The following TNFRSF1B variants were observed in gnomAD, a reference collection of about 807,000 sequenced individuals.
TNFRSF1B encodes the protein TNF receptor superfamily member 1B.
TNFRSF1B carries 19 observed loss-of-function variants against 44.6 expected under a neutral mutation model. The ratio of observed to expected loss-of-function variants is 0.43; its 90% confidence interval spans 0.30 to 0.62. The LOEUF is 0.62. Ranked by LOEUF, TNFRSF1B falls within the 20% of genes least tolerant of loss-of-function variation. TNFRSF1B has a pLI of 0.16. For synonymous variants in TNFRSF1B, 252 were observed against 261.1 expected, an observed-to-expected ratio of 0.97 and a Z score of 0.34; for missense variants, 541 against 619.9, an observed-to-expected ratio of 0.87 and a Z score of 1.35.
intron 1 of TNFRSF1B, among the ~76,000 whole-genome samples, chr1:12,172,238 C>T (rs547715842): frequency 2.3e-4 from 35 of 152,304 alleles, no homozygotes; most frequent in Middle Eastern, 6.8e-3. Context: ...CCTCGTCTGG[C>T]CACAGGGAAG....
intron 7 of TNFRSF1B, 75 bp from the exon 8 acceptor site, chr1:12,194,509 C>T: frequency 6.3e-7 from 1 of 1,584,134 alleles, no homozygotes; most frequent in Non-Finnish European, 8.7e-7. Context: ...CTATGGGGCC[C>T]CATACTGCCC....
Position 12,177,487 on chromosome 1 carries a change from G to A in TNFRSF1B, c.78+10318G>A, listed in dbSNP as rs2101083913. Among the ~76,000 whole-genome samples, 1 of 152,256 alleles carries A rather than the reference G, an allele frequency of 6.6e-6. No homozygotes were observed. The highest frequency in any genetic ancestry group is 1.5e-5 in the Non-Finnish European group (1 of 68,002). On this transcript the variant is annotated intron_variant, in intron 1 of 9. Transcript: ENST00000376259. This position sits in a 1 kb window ranked among gnomAD's most constrained non-coding sequence, Gnocchi z 4.3. Reference sequence around the variant, plus strand: ...AATTGGCTGCACCCCCACTAGTGTGGGGGAGCAGGATTCCAGGGCCTGCCT... The same window carrying A: ...AATTGGCTGCACCCCCACTAGTGTGAGGGAGCAGGATTCCAGGGCCTGCCT...
rs147786615 is a variant in TNFRSF1B, at chr1:12,169,122, G to A, written c.78+1953G>A. On this transcript the variant is annotated intron_variant, in intron 1 of 9. Coordinates refer to ENST00000376259, the MANE Select transcript of TNFRSF1B (RefSeq NM_001066.3). This position sits in a 1 kb window ranked among gnomAD's most constrained non-coding sequence, Gnocchi z 4.5. ...CCATTCTCTCCAGGAAAGCCTTTCC[G>A]CATTCTCAGTTGGATTTGATCTTCT... Among the ~76,000 whole-genome samples, 4 of 152,234 alleles carry A rather than the reference G, an allele frequency of 2.6e-5. No homozygotes were observed. The highest frequency in any genetic ancestry group is 7.2e-5 in the African/African-American group (3 of 41,534).
At chr1:12,202,296 C>T in intron 9 of TNFRSF1B, 125 bp downstream of exon 9, 3 of 1,407,858 alleles carry the variant, frequency 2.1e-6, no homozygotes, top group Non-Finnish European at 2.8e-6. Flanking sequence ...CCACAGGGAA[C>T]TTCCTTCGGT....
At chr1:12,203,965 GGTGATCCATC>G in intron 9 of TNFRSF1B, among the ~76,000 whole-genome samples, 1 of 152,332 alleles carries the variant, frequency 6.6e-6, no homozygotes, top group Admixed American at 6.5e-5. Context: ...CCTGACCTCA[GGTGATCCATC>G]TGCCTCGGCC....
chr1:12,180,598 C>T lies in TNFRSF1B; in HGVS notation c.79-8198C>T, dbSNP rs918944900. ...CCCTGCCCCTTACCAGCTAAGGGCT[C>T]CAGCAGAGTCCTAGTCTTGAGCGAA... On this transcript the variant is annotated intron_variant, in intron 1 of 9. Coordinates refer to ENST00000376259, the MANE Select transcript of TNFRSF1B (RefSeq NM_001066.3). This position sits in a 1 kb window ranked among gnomAD's most constrained non-coding sequence, Gnocchi z 4.3. Among the ~76,000 whole-genome samples, 11 of 152,300 alleles carry T rather than the reference C, an allele frequency of 7.2e-5. 1 individual carries two copies. Among genetic ancestry groups the T allele is most frequent in the South Asian group, 2.1e-4 (1 of 4,822 alleles).
intron 6 of TNFRSF1B, among the ~76,000 whole-genome samples, 159 bp from the exon 7 acceptor site, chr1:12,193,796 G>C (rs1639204983): frequency 6.6e-6 from 1 of 152,186 alleles, no homozygotes; most frequent in South Asian, 2.1e-4. Flanking sequence ...GAGGCACACA[G>C]ACATGATTGC....
At chr1:12,193,767 A>G (rs1039733456) in intron 6 of TNFRSF1B, among the ~76,000 whole-genome samples, 188 bp from the exon 7 acceptor site, 2 of 152,192 alleles carry the variant, frequency 1.3e-5, no homozygotes, top group African/African-American at 4.8e-5. Flanking sequence ...GTCTCAAACT[A>G]GTGGCCCTTA....
At chr1:12,198,189 T>A (rs1369250326) in intron 8 of TNFRSF1B, among the ~76,000 whole-genome samples, 3 of 148,346 alleles carry the variant, frequency 2.0e-5, no homozygotes, top group East Asian at 4.1e-4. Flanking sequence ...ACGGACACAC[T>A]CATGCACGGA....
intron 1 of TNFRSF1B, 123 bp downstream of exon 1, chr1:12,167,292 TC>T: frequency 1.4e-6 from 1 of 722,832 alleles, no homozygotes; most frequent in Non-Finnish European, 1.9e-6. Flanking sequence ...AGGCTGGGAG[TC>T]CCAGTCGCCG....
chr1:12,192,254 G>T, intron 4 of TNFRSF1B, 177 bp from the exon 5 acceptor site: 1 of 714,312 alleles, frequency 1.4e-6, no homozygotes, highest in South Asian at 1.5e-5. Context: ...GAATCTGTGT[G>T]TGTGCATGTG....
intron 1 of TNFRSF1B, among the ~76,000 whole-genome samples, chr1:12,173,439 C>T (rs1024464421): frequency 2.0e-5 from 3 of 152,198 alleles, no homozygotes; most frequent in South Asian, 2.1e-4. Context: ...CAAGAATTCA[C>T]GGCTGCCTTT....
intron 1 of TNFRSF1B, among the ~76,000 whole-genome samples, chr1:12,170,999 T>G (rs1008118251): frequency 2.0e-5 from 3 of 151,062 alleles, no homozygotes; most frequent in African/African-American, 4.9e-5. Flanking sequence ...TCTTCTTTTT[T>G]TCTATTTAAT....
intron 9 of TNFRSF1B, among the ~76,000 whole-genome samples, chr1:12,204,811 C>A (rs187089784): frequency 0.057 from 8,357 of 145,806 alleles, 254 homozygotes; most frequent in Middle Eastern, 0.058. Context: ...ACCACCACCA[C>A]CACCAACAAA....
At chr1:12,205,473 G>C (rs185825773) in intron 9 of TNFRSF1B, among the ~76,000 whole-genome samples, 1 of 152,212 alleles carries the variant, frequency 6.6e-6, no homozygotes, top group Admixed American at 6.5e-5. Flanking sequence ...GGCCAGCTCT[G>C]GCTGCTGATG....
intron 1 of TNFRSF1B, among the ~76,000 whole-genome samples, chr1:12,179,631 C>T (rs112865440): frequency 3.9e-5 from 6 of 152,294 alleles, no homozygotes; most frequent in African/African-American, 1.4e-4. Context: ...AGTGTGTTCA[C>T]AGAAGAGTCA....
chr1:12,177,860 C>G lies in TNFRSF1B; in HGVS notation c.78+10691C>G, dbSNP rs1444797076. 2.0e-5 allele frequency among the ~76,000 whole-genome samples: 3 copies of G among 152,080 alleles called. No homozygotes were observed. The highest frequency in any genetic ancestry group is 7.2e-5 in the African/African-American group (3 of 41,390). Reference sequence around the variant, plus strand: ...TTCTTGGGTGCAATGCGCAAGAGACCGATGCATTAACTACACAGAGTGCCC... The same window carrying G: ...TTCTTGGGTGCAATGCGCAAGAGACGGATGCATTAACTACACAGAGTGCCC... On this transcript the variant is annotated intron_variant, in intron 1 of 9. Transcript: ENST00000376259. This position sits in a 1 kb window ranked among gnomAD's most constrained non-coding sequence, Gnocchi z 4.3.
At position 12,196,733 on chromosome 1, in the gene TNFRSF1B, G is replaced by A. The variant is rs17881105; in HGVS notation, c.900+2115G>A. Among the ~76,000 whole-genome samples, 311 of 152,292 alleles carry A rather than the reference G, an allele frequency of 2.0e-3. 1 individual carries two copies. Among genetic ancestry groups the A allele is most frequent in the African/African-American group, 7.1e-3 (293 of 41,560 alleles). ...GGAGGAAATTTTCTCATTCCCCGGC[G>A]AGCGAGTTTCACTGCTCCCTTTCTC... is the stretch of plus-strand genomic sequence containing the variant. On this transcript the variant is annotated intron_variant, in intron 8 of 9. Transcript: ENST00000376259.
chr1:12,200,733 C>T (rs1639370651), intron 8 of TNFRSF1B, among the ~76,000 whole-genome samples: 1 of 152,166 alleles, frequency 6.6e-6, no homozygotes, highest in Non-Finnish European at 1.5e-5. Context: ...AGCGATTCTC[C>T]TGCCTCAGCC....
Sources: allele counts gnomAD v4.1 joint callset (sites outside exome capture counted in the v4.1 genomes callset), GRCh38; gene constraint gnomAD v4.1.1; non-coding constraint Gnocchi (gnomAD v3.1); transcripts MANE v1.5; gene names NCBI Gene and HGNC (gene_info 2026-07-23, HGNC 2026-07-21).